Variants in CRYBG1 observed in about 807,000 individuals in gnomAD.
CRYBG1 encodes the protein beta/gamma crystallin domain-containing protein 1.
A neutral mutation model predicts 189.2 loss-of-function variants in CRYBG1; 139 were observed. The observed-to-expected ratio is 0.73, with a 90% CI of 0.64 to 0.85. The LOEUF is 0.85. Ranked by LOEUF, CRYBG1 falls within the 40% of genes least tolerant of loss-of-function variation. The probability of loss-of-function intolerance (pLI) is 0.00; values close to 1 mark genes in which losing one functional copy is unlikely to be tolerated. For synonymous variants in CRYBG1, 1,023 were observed against 1,017.1 expected (o/e 1.01, Z -0.11); for missense variants, 2,611 against 2,675.8 (o/e 0.98, Z 0.53).
intron 1 of CRYBG1, among the ~76,000 whole-genome samples, chr6:106,424,276 T>C (rs995956270): frequency 2.0e-5 from 3 of 152,180 alleles, no homozygotes; most frequent in African/African-American, 4.8e-5. Flanking sequence ...AATCAGTCAA[T>C]TGGCTTTTCC....
chr6:106,451,027 C>T (rs936643595), intron 1 of CRYBG1, among the ~76,000 whole-genome samples: 4 of 152,176 alleles, frequency 2.6e-5, no homozygotes, highest in African/African-American at 9.7e-5. Context: ...CTGGGAGCAG[C>T]TTTCTCTGAG....
intron 7 of CRYBG1, among the ~76,000 whole-genome samples, chr6:106,529,670 T>C (rs1187401060): frequency 6.6e-6 from 1 of 152,218 alleles, no homozygotes; most frequent in Admixed American, 6.5e-5. Flanking sequence ...TCACTATGAA[T>C]GTGTGCTTTT....
intron 1 of CRYBG1, among the ~76,000 whole-genome samples, chr6:106,430,366 A>T (rs1304338599): frequency 6.6e-6 from 1 of 152,128 alleles, no homozygotes; most frequent in Non-Finnish European, 1.5e-5. Flanking sequence ...GTGCCACTAC[A>T]CTCCAGACTG....
chr6:106,497,238 C>T (rs376236541), intron 2 of CRYBG1, among the ~76,000 whole-genome samples: 4 of 152,156 alleles, frequency 2.6e-5, no homozygotes, highest in East Asian at 1.9e-4. Context: ...GAAATCAGGC[C>T]GGTCTTCCTG....
chr6:106,504,324 A>G lies in CRYBG1; in HGVS notation c.313-7106A>G, dbSNP rs1299005825. On this transcript the variant is annotated intron_variant, in intron 2 of 21. Transcript: ENST00000633556. ...TAGATCAAAAATGGCCAAATGTCAC[A>G]GTTTCATATACCTTTTCATAAGAGA... Among the ~76,000 whole-genome samples, 18 of 152,314 alleles carry G rather than the reference A, an allele frequency of 1.2e-4. No individual in the cohort carries two copies. In the East Asian group the frequency reaches 3.5e-3, roughly 29 times the overall value.
At chr6:106,449,795 G>A (rs1200791347) in intron 1 of CRYBG1, among the ~76,000 whole-genome samples, 1 of 151,976 alleles carries the variant, frequency 6.6e-6, no homozygotes, top group Admixed American at 6.6e-5. Flanking sequence ...GTTTATATAT[G>A]GCATAATATA....
rs114134433 is a variant in CRYBG1, at chr6:106,361,071, G to C, written c.163G>C (p.Gly55Arg). Residue 55 changes from glycine to arginine, a missense_variant, in exon 1 of 22, where the codon GGA becomes CGA. Physicochemically the swap from Gly to Arg is moderately radical, Grantham distance 125. Around this residue, in one of 3 missense-constraint regions of CRYBG1, gnomAD observed 985 missense variants for 924.4 expected, o/e 1.07. Transcript: ENST00000633556. ...FVPHPLPAPA[G>R]EARALDVVDG... ...TCCGCACCCGCTCCCGGCGCCTGCC[G>C]GAGAGGCCAGGTGAGCTCCTCGCCC... is the stretch of plus-strand genomic sequence containing the variant. 1 of 1,534,902 alleles carries C rather than the reference G, an allele frequency of 6.5e-7. No homozygotes were observed. Among genetic ancestry groups the C allele is most frequent in the Admixed American group, 2.0e-5 (1 of 50,952 alleles).
chr6:106,552,376 AG>A, intron 15 of CRYBG1, 160 bp downstream of exon 15: 1 of 423,884 alleles, frequency 2.4e-6, no homozygotes, highest in Non-Finnish European at 4.2e-6. Context: ...ACTTGAGCTC[AG>A]GAGTTCAAGA....
intron 16 of CRYBG1, 41 bp downstream of exon 16, chr6:106,553,608 T>A (rs1228354313): frequency 7.6e-7 from 1 of 1,321,126 alleles, no homozygotes; most frequent in Non-Finnish European, 1.1e-6. Flanking sequence ...ATCACTGGAG[T>A]AAAACAGAAT....
chr6:106,379,036 A>G (rs1032324077), intron 1 of CRYBG1, among the ~76,000 whole-genome samples: 1 of 151,906 alleles, frequency 6.6e-6, no homozygotes, highest in Non-Finnish European at 1.5e-5. Context: ...AGTCCCAGCT[A>G]CTTTGCTGAG....
In CRYBG1 at chr6:106,492,242, G is replaced by A. The variant is rs567191341; in HGVS notation, c.313-19188G>A. On this transcript the variant is annotated intron_variant, in intron 2 of 21. Coordinates refer to ENST00000633556, the MANE Select transcript of CRYBG1 (RefSeq NM_001371242.2). The stretch of plus-strand genomic sequence containing the variant: ...TTCTAGATGTCAAAATAAGTCGTAT[G>A]TTGTCTATCCATTCCATACTGAGTA... Among the ~76,000 whole-genome samples the A allele has an allele frequency of 5.2e-4, 79 of 152,282 alleles. 3 individuals carry two copies. The South Asian group carries it at 0.016, about 32-fold the overall frequency.
At chr6:106,429,840 G>A (rs1171140587) in intron 1 of CRYBG1, among the ~76,000 whole-genome samples, 2 of 152,062 alleles carry the variant, frequency 1.3e-5, no homozygotes, top group Non-Finnish European at 2.9e-5. Flanking sequence ...ACAGTGCTGG[G>A]GCTGTAGCAA....
At chr6:106,537,640 T>A (rs1381224007) in intron 8 of CRYBG1, among the ~76,000 whole-genome samples, 11 of 152,230 alleles carry the variant, frequency 7.2e-5, no homozygotes, top group Admixed American at 7.2e-4. Context: ...ATATATAAGC[T>A]GAGTGAATTT....
At chr6:106,371,632 G>T (rs930424366) in intron 1 of CRYBG1, among the ~76,000 whole-genome samples, 1 of 152,174 alleles carries the variant, frequency 6.6e-6, no homozygotes, top group Non-Finnish European at 1.5e-5. Flanking sequence ...GTCCTTCATT[G>T]GAACATACGT....
At chr6:106,516,900 TTAAG>T (rs1474379536) in intron 3 of CRYBG1, among the ~76,000 whole-genome samples, 1 of 152,102 alleles carries the variant, frequency 6.6e-6, no homozygotes. Context: ...CGTATATTAA[TTAAG>T]TAAGCCCGAT....
intron 3 of CRYBG1, among the ~76,000 whole-genome samples, chr6:106,518,139 C>T (rs1773484063): frequency 6.6e-6 from 1 of 151,650 alleles, no homozygotes; most frequent in African/African-American, 2.4e-5. Context: ...ATTATATGAA[C>T]AGAATAATCT....
intron 1 of CRYBG1, among the ~76,000 whole-genome samples, chr6:106,438,786 G>T (rs1278992531): frequency 6.6e-6 from 1 of 152,096 alleles, no homozygotes; most frequent in African/African-American, 2.4e-5. Flanking sequence ...TTCATGTAAT[G>T]GTTTGATGTC....
At chr6:106,369,227 A>G (rs1769965338) in intron 1 of CRYBG1, among the ~76,000 whole-genome samples, 1 of 152,246 alleles carries the variant, frequency 6.6e-6, no homozygotes, top group African/African-American at 2.4e-5. Flanking sequence ...AGACAAGTAA[A>G]GGTTGCACCC....
At chr6:106,458,153 A>G (rs1037123037) in intron 2 of CRYBG1, among the ~76,000 whole-genome samples, 1 of 152,220 alleles carries the variant, frequency 6.6e-6, no homozygotes, top group Admixed American at 6.5e-5. Context: ...TATTGTGACT[A>G]AAGTTAAATT....
Sources: allele counts gnomAD v4.1 joint callset (sites outside exome capture counted in the v4.1 genomes callset), GRCh38; gene constraint gnomAD v4.1.1; regional missense constraint gnomAD v4.1.1; transcripts MANE v1.5; gene names NCBI Gene and HGNC (gene_info 2026-07-23, HGNC 2026-07-21).